P4HA2: variants seen among roughly 807,000 people sequenced by gnomAD.
P4HA2 encodes the protein prolyl 4-hydroxylase subunit alpha-2.
Under a neutral mutation model 76.9 loss-of-function variants are expected in P4HA2, and 46 were observed. The observed-to-expected ratio is 0.60, with a 90% CI of 0.47 to 0.76. The LOEUF is 0.76. Among genes scored for constraint, P4HA2 ranks in the 30% least tolerant of loss-of-function variants. The pLI, the probability that P4HA2 is intolerant of heterozygous loss-of-function variation, is 0.00. For synonymous variants in P4HA2, 243 were observed against 254.0 expected (o/e 0.96, Z 0.41); for missense variants, 583 against 669.4 (o/e 0.87, Z 1.42).
intron 3 of P4HA2, 45 bp downstream of exon 3, chr5:132,217,707 G>GAAGGGA (rs1179284376): frequency 8.6e-7 from 1 of 1,165,078 alleles, no homozygotes; most frequent in Non-Finnish European, 1.3e-6. Flanking sequence ...TTGAGGGGCA[G>GAAGGGA]AAGGGAAGGA....
intron 12 of P4HA2, chr5:132,197,987 A>G (rs1750919550): frequency 1.0e-6 from 1 of 985,182 alleles, no homozygotes. Context: ...GGGGAAAAAA[A>G]TAGGAGCCAG....
At chr5:132,212,347 TCAG>T in intron 5 of P4HA2, among the ~76,000 whole-genome samples, 1 of 152,058 alleles carries the variant, frequency 6.6e-6, no homozygotes, top group Non-Finnish European at 1.5e-5. Flanking sequence ...AGGAGACAAG[TCAG>T]AATGGTATTT....
chr5:132,201,976 C>G (rs753266709), intron 10 of P4HA2: 3 of 152,186 alleles, frequency 2.0e-5, no homozygotes, highest in Non-Finnish European at 4.4e-5. Context: ...GGCTCTAACA[C>G]AGAGGAAGCA....
In P4HA2 at chr5:132,207,915, T is replaced by G; in HGVS notation, c.904-31A>C. The G allele has an allele frequency of 2.0e-6, 3 of 1,516,326 alleles. No homozygotes were observed. In the South Asian group the frequency reaches 3.9e-5, roughly 20 times the overall value. 93.9% of individuals were successfully genotyped at this position (1,516,326 alleles called of 1,614,324 possible). A position where few individuals can be genotyped will look rare whatever the true frequency, so the allele number is the denominator to read the frequency against. On this transcript the variant is annotated intron_variant, in intron 7 of 14. Coordinates refer to ENST00000360568, the MANE Select transcript of P4HA2 (RefSeq NM_001017974.2). ...AAGCACAGAGTAACAGGCCCTGAGC[T>G]GAGTGAGTCCTAATCCTCGGTCCCA...
In P4HA2 at chr5:132,209,279, C is replaced by G. The variant is rs1752701956; in HGVS notation, c.762G>C (p.Leu254Phe). ...GGNLRYFEQL[L>F]EEEREKTLTN... ...TTAACGTTTTTTCTCTCTCTTCCTC[C>G]AATAACTGCTCAAAGTACCGCAGAT... The change falls in exon 7 of 15, where the codon TTG becomes TTC. Residue 254 changes from leucine (L) to phenylalanine (F), a missense_variant. Physicochemically the swap from Leu to Phe is conservative, Grantham distance 22. Coordinates refer to ENST00000360568, the MANE Select transcript of P4HA2 (RefSeq NM_001017974.2). 6.2e-7 allele frequency: 1 copy of G among 1,613,988 alleles called. No individual in the cohort carries two copies. The highest frequency in any genetic ancestry group is 8.5e-7 in the Non-Finnish European group (1 of 1,179,988).
intron 12 of P4HA2, chr5:132,198,075 G>A: frequency 6.8e-7 from 1 of 1,466,718 alleles, no homozygotes; most frequent in Non-Finnish European, 9.0e-7. Context: ...CAGCCAAGAA[G>A]GGTGCTGAGA....
Position 132,192,734 on chromosome 5 carries a change from C to T in P4HA2, c.*276G>A. 2.6e-6 allele frequency: 1 copy of T among 382,280 alleles called. No homozygotes were observed. The highest frequency in any genetic ancestry group is 7.5e-5 in the South Asian group (1 of 13,344). 23.7% of individuals were successfully genotyped at this position (382,280 alleles called of 1,614,324 possible). On this transcript the variant is annotated 3_prime_UTR_variant, in exon 15 of 15. Transcript: ENST00000360568. ...TCACTGAAACATCTCACACCTAAAA[C>T]ACCTGAGGTACAAAGGCACCTTGCT...
intron 4 of P4HA2, among the ~76,000 whole-genome samples, chr5:132,215,209 C>T (rs1753662960): frequency 6.6e-6 from 1 of 152,228 alleles, no homozygotes; most frequent in African/African-American, 2.4e-5. Context: ...AGTAGGGGAA[C>T]ATGCTGCCAG....
At chr5:132,202,028 A>T (rs1420736187) in intron 10 of P4HA2, 2 of 152,246 alleles carry the variant, frequency 1.3e-5, no homozygotes, top group Non-Finnish European at 2.9e-5. Flanking sequence ...ACCTGCTCCA[A>T]GAAGATATGA....
At chr5:132,194,245 CT>C (rs34601928) in intron 14 of P4HA2, among the ~76,000 whole-genome samples, 2 of 152,130 alleles carry the variant, frequency 1.3e-5, no homozygotes, top group Non-Finnish European at 2.9e-5. Context: ...TCTTGTACAA[CT>C]TTTTTTCCCC....
At chr5:132,225,972 C>T (rs527864081) in intron 1 of P4HA2, among the ~76,000 whole-genome samples, 17 of 152,260 alleles carry the variant, frequency 1.1e-4, no homozygotes, top group Non-Finnish European at 2.1e-4. Context: ...ACACAGTGGA[C>T]ACTCGGCTGT....
At chr5:132,217,420 G>C in intron 3 of P4HA2, 72 bp from the exon 4 acceptor site, 2 of 1,476,914 alleles carry the variant, frequency 1.4e-6, no homozygotes, top group South Asian at 1.2e-5. Flanking sequence ...AATTTTCCTA[G>C]TGAGAATTCC....
chr5:132,218,497 G>C (rs780162027), intron 2 of P4HA2, 48 bp downstream of exon 2: 1 of 1,277,514 alleles, frequency 7.8e-7, no homozygotes, highest in Non-Finnish European at 1.1e-6. Context: ...GACATCCGTG[G>C]CATGTGAGCC....
chr5:132,198,398 T>C lies in P4HA2; in HGVS notation c.1306-18A>G, dbSNP rs200971549. ...AAAGGTCGCTGCAACAGACAACAAC[T>C]TTCACCCAAGTTTACAACAGGCTTC... On this transcript the variant is annotated intron_variant, in intron 11 of 14. Coordinates refer to ENST00000360568, the MANE Select transcript of P4HA2 (RefSeq NM_001017974.2). The C allele has an allele frequency of 1.2e-6, 2 of 1,612,012 alleles. No individual in the cohort carries two copies. Among genetic ancestry groups the C allele is most frequent in the Non-Finnish European group, 1.7e-6 (2 of 1,179,608 alleles).
At chr5:132,218,296 C>T (rs1342468061) in intron 2 of P4HA2, among the ~76,000 whole-genome samples, 6 of 152,172 alleles carry the variant, frequency 3.9e-5, no homozygotes. Flanking sequence ...TCAAAAAGAC[C>T]AGAGAGCCCA....
At chr5:132,223,196 C>A (rs1476636789) in intron 1 of P4HA2, among the ~76,000 whole-genome samples, 1 of 152,218 alleles carries the variant, frequency 6.6e-6, no homozygotes, top group Non-Finnish European at 1.5e-5. Context: ...ATAGGGTAAC[C>A]AAGTACATCT....
intron 4 of P4HA2, among the ~76,000 whole-genome samples, chr5:132,214,670 G>A (rs1753600930): frequency 6.6e-6 from 1 of 152,026 alleles, no homozygotes. Flanking sequence ...GACAGCTGAA[G>A]GACCACCTAG....
chr5:132,197,751 C>T (rs152048), intron 12 of P4HA2, among the ~76,000 whole-genome samples: 10,569 of 151,852 alleles, frequency 0.07, 462 homozygotes, highest in East Asian at 0.11. Context: ...ACCAAAATCA[C>T]AGCGACAGAA....
chr5:132,195,098 G>C (rs1750436338), intron 13 of P4HA2, 76 bp from the exon 14 acceptor site: 1 of 995,558 alleles, frequency 1.0e-6, no homozygotes, highest in Non-Finnish European at 1.6e-6. Flanking sequence ...CATCACAGAA[G>C]CTCTGCCCTG....
Sources: allele counts gnomAD v4.1 joint callset (sites outside exome capture counted in the v4.1 genomes callset), GRCh38; gene constraint gnomAD v4.1.1; transcripts MANE v1.5; gene names NCBI Gene and HGNC (gene_info 2026-07-23, HGNC 2026-07-21).